Variants in MGAT4C observed in about 807,000 individuals in gnomAD.
The protein encoded by MGAT4C is MGAT4 family member C, also known as alpha-1,3-mannosyl-glycoprotein 4-beta-N-acetylglucosaminyltransferase C.
Under a neutral mutation model 40.1 loss-of-function variants are expected in MGAT4C, and 19 were observed. The observed-to-expected ratio is 0.47, with a 90% CI of 0.33 to 0.70. The LOEUF (loss-of-function observed/expected upper bound fraction) is 0.70, where lower values mean the gene tolerates loss of function less well. Among genes scored for constraint, MGAT4C ranks in the 30% least tolerant of loss-of-function variants. MGAT4C has a pLI of 0.02. For missense variants in MGAT4C, 491 were observed against 563.2 expected, an observed-to-expected ratio of 0.87 and a Z score of 1.30; for synonymous variants, 181 against 187.1, an observed-to-expected ratio of 0.97 and a Z score of 0.27.
At chr12:86,230,869 C>CTTTTTTTTTTTTT (rs11459552) in intron 1 of MGAT4C, among the ~76,000 whole-genome samples, 1 of 145,026 alleles carries the variant, frequency 6.9e-6, no homozygotes, top group African/African-American at 2.5e-5. Flanking sequence ...CAAACACTCC[C>CTTTTTTTTTTTTT]TTTTTTTTTT....
At chr12:86,141,565 A>G (rs1227053451) in intron 1 of MGAT4C, among the ~76,000 whole-genome samples, 1 of 152,136 alleles carries the variant, frequency 6.6e-6, no homozygotes, top group Non-Finnish European at 1.5e-5. Flanking sequence ...TTACTATTGT[A>G]TGGGCCAGCT....
intron 2 of MGAT4C, among the ~76,000 whole-genome samples, chr12:86,580,786 A>T (rs1960750223): frequency 6.6e-6 from 1 of 151,486 alleles, no homozygotes; most frequent in African/African-American, 2.4e-5. Context: ...GCTGTAGGAT[A>T]AGATAAACAT....
chr12:86,751,955 C>A (rs1275722032), intron 1 of MGAT4C, among the ~76,000 whole-genome samples: 2 of 151,748 alleles, frequency 1.3e-5, no homozygotes, highest in African/African-American at 4.8e-5. Context: ...ACCATATATT[C>A]AATAACATGT....
chr12:85,998,913 C>T (rs914025867), intron 2 of MGAT4C, among the ~76,000 whole-genome samples: 24 of 152,180 alleles, frequency 1.6e-4, no homozygotes, highest in Non-Finnish European at 2.9e-5. Context: ...GCTCCCCACT[C>T]TACTGCTACC....
chr12:86,207,611 A>T, intron 1 of MGAT4C, among the ~76,000 whole-genome samples: 1 of 152,356 alleles, frequency 6.6e-6, no homozygotes, highest in East Asian at 1.9e-4. Context: ...GAATAAAAAA[A>T]AGATTTGCTG....
intron 1 of MGAT4C, among the ~76,000 whole-genome samples, chr12:86,076,238 C>T (rs1869676266): frequency 1.3e-5 from 2 of 152,178 alleles, no homozygotes; most frequent in Admixed American, 1.3e-4. Flanking sequence ...GAAGAGTCAC[C>T]TTTGCTTCAG....
chr12:86,372,011 C>T (rs1373534347), intron 3 of MGAT4C, among the ~76,000 whole-genome samples: 1 of 150,552 alleles, frequency 6.6e-6, no homozygotes, highest in Non-Finnish European at 1.5e-5. Flanking sequence ...ATTTTTTTTT[C>T]AAGTCCATAA....
chr12:86,382,358 A>G (rs761741955), intron 3 of MGAT4C, among the ~76,000 whole-genome samples: 9 of 152,208 alleles, frequency 5.9e-5, no homozygotes, highest in Non-Finnish European at 1.2e-4. Context: ...GGTATCTGGC[A>G]GAAGAAATTT....
chr12:86,024,032 A>G (rs183973874), intron 2 of MGAT4C, among the ~76,000 whole-genome samples: 1 of 151,954 alleles, frequency 6.6e-6, no homozygotes, highest in Non-Finnish European at 1.5e-5. Context: ...AAATGTATAC[A>G]GAGAAAGATT....
At chr12:86,522,213 C>T (rs1407331821) in intron 2 of MGAT4C, among the ~76,000 whole-genome samples, 1 of 152,028 alleles carries the variant, frequency 6.6e-6, no homozygotes, top group Non-Finnish European at 1.5e-5. Flanking sequence ...AGCTCTTGTC[C>T]ATTCATTATG....
In MGAT4C at chr12:85,956,411, A is replaced by G. The variant is rs1345060632; in HGVS notation, c.*22878T>C. ...TAACTTCGGTGTTTTGTTTGTCCTTAGACAATAGAGATAATATATTCATTA... is the reference window on the plus strand; with the variant it reads ...TAACTTCGGTGTTTTGTTTGTCCTTGGACAATAGAGATAATATATTCATTA... On this transcript the variant is annotated 3_prime_UTR_variant, in exon 5 of 5. Coordinates refer to ENST00000611864, the MANE Select transcript of MGAT4C (RefSeq NM_001351288.2). 2 of 152,192 alleles carry G rather than the reference A, an allele frequency of 1.3e-5. No individual in the cohort carries two copies. Among genetic ancestry groups the G allele is most frequent in the African/African-American group, 4.8e-5 (2 of 41,456 alleles). The allele number at this position is 152,192 out of a possible 1,614,324, so 9.4% of individuals were successfully genotyped here.
chr12:86,394,567 A>G (rs1956217671), intron 3 of MGAT4C, among the ~76,000 whole-genome samples: 1 of 144,660 alleles, frequency 6.9e-6, no homozygotes, highest in Non-Finnish European at 1.5e-5. Context: ...ATATTTATAT[A>G]TATTTATATA....
chr12:86,671,742 G>A lies in MGAT4C; in HGVS notation c.-229+55467C>T, dbSNP rs562741538. 5.9e-5 allele frequency among the ~76,000 whole-genome samples: 9 copies of A among 152,224 alleles called. No homozygotes were observed. In the South Asian group the frequency reaches 1.2e-3, roughly 21 times the overall value. On this transcript the variant is annotated intron_variant, in intron 2 of 7. Transcript: ENST00000548651. ...AAAATTATTAAGTGGAGAACTCAGC[G>A]AGAGGATGTGACAATTGTAAATGTA...
At chr12:86,324,265 C>T (rs1954468869) in intron 4 of MGAT4C, among the ~76,000 whole-genome samples, 1 of 151,850 alleles carries the variant, frequency 6.6e-6, no homozygotes, top group South Asian at 2.1e-4. Context: ...GTAGATAGCA[C>T]TGTTTAATAC....
At chr12:86,012,419 T>C (rs1484889982) in intron 2 of MGAT4C, among the ~76,000 whole-genome samples, 1 of 152,040 alleles carries the variant, frequency 6.6e-6, no homozygotes, top group Non-Finnish European at 1.5e-5. Context: ...CAGTTTTTGT[T>C]TGGGAACAGA....
intron 1 of MGAT4C, among the ~76,000 whole-genome samples, chr12:86,737,637 A>G (rs1951008002): frequency 6.6e-6 from 1 of 151,274 alleles, no homozygotes; most frequent in South Asian, 2.1e-4. Context: ...ACAACTACAT[A>G]AGCTAGTTAT....
Position 85,969,988 on chromosome 12 carries a change from T to C in MGAT4C, c.*9301A>G, listed in dbSNP as rs1024971623. The C allele has an allele frequency of 6.6e-6, 1 of 151,416 alleles. No homozygotes were observed. The highest frequency in any genetic ancestry group is 2.4e-5 in the African/African-American group (1 of 41,390). 9.4% of individuals were successfully genotyped at this position (151,416 alleles called of 1,614,324 possible). A position where few individuals can be genotyped will look rare whatever the true frequency, so the allele number is the denominator to read the frequency against. On this transcript the variant is annotated 3_prime_UTR_variant, in exon 5 of 5. Transcript: ENST00000611864. ...GCATTGTTCTTGGCTGAGCTTACAT[T>C]AAGTGATCTGTAAATTAGAAGTTAT... is the stretch of plus-strand genomic sequence containing the variant.
intron 2 of MGAT4C, among the ~76,000 whole-genome samples, chr12:86,522,140 T>C (rs948107434): frequency 5.3e-5 from 8 of 152,130 alleles, no homozygotes; most frequent in African/African-American, 1.9e-4. Context: ...TAATACTATG[T>C]TGAATAGGAG....
chr12:86,701,618 T>C (rs1252840540), intron 2 of MGAT4C, among the ~76,000 whole-genome samples: 1 of 152,130 alleles, frequency 6.6e-6, no homozygotes, highest in African/African-American at 2.4e-5. Context: ...AGCAACCCTA[T>C]AATGATCTCT....
Sources: allele counts gnomAD v4.1 joint callset (sites outside exome capture counted in the v4.1 genomes callset), GRCh38; gene constraint gnomAD v4.1.1; transcripts MANE v1.5; gene names NCBI Gene and HGNC (gene_info 2026-07-23, HGNC 2026-07-21).